RASAL2: variants seen among roughly 807,000 people sequenced by gnomAD.
RASAL2 encodes RAS protein activator like 2.
RASAL2 carries 58 observed loss-of-function variants against 128.9 expected under a neutral mutation model. The ratio of observed to expected loss-of-function variants is 0.45; its 90% CI spans 0.36 to 0.56. The LOEUF is 0.56. RASAL2 is among the 20% of genes least tolerant of loss of function. RASAL2 has a pLI of 0.00. For synonymous variants in RASAL2, 561 were observed against 580.8 expected (o/e 0.97, Z 0.49); for missense variants, 1,360 against 1,601.6 (o/e 0.85, Z 2.57).
At chr1:178,248,124 T>C (rs112567250) in intron 1 of RASAL2, among the ~76,000 whole-genome samples, 12 of 152,312 alleles carry the variant, frequency 7.9e-5, no homozygotes, top group African/African-American at 2.9e-4. Flanking sequence ...TGAATATCCT[T>C]GTTAATTTTC....
chr1:178,391,147 C>T (rs1421985623), intron 4 of RASAL2, among the ~76,000 whole-genome samples: 3 of 152,128 alleles, frequency 2.0e-5, no homozygotes, highest in Non-Finnish European at 2.9e-5. Context: ...TAGTGGTTCA[C>T]ACCTGTAATC....
intron 15 of RASAL2, 46 bp downstream of exon 15, chr1:178,464,458 G>A: frequency 6.3e-7 from 1 of 1,599,632 alleles, no homozygotes; most frequent in African/African-American, 1.3e-5. Flanking sequence ...CAAAATGACA[G>A]GCCACTAAAA....
intron 4 of RASAL2, among the ~76,000 whole-genome samples, chr1:178,397,014 T>C (rs547763489): frequency 6.6e-6 from 1 of 152,094 alleles, no homozygotes; most frequent in Non-Finnish European, 1.5e-5. Flanking sequence ...CAATAATAAG[T>C]ATTGGTGAGA....
intron 3 of RASAL2, among the ~76,000 whole-genome samples, chr1:178,361,147 G>A (rs935825663): frequency 1.3e-5 from 2 of 152,110 alleles, no homozygotes; most frequent in Non-Finnish European, 2.9e-5. Flanking sequence ...AAATAGTTCT[G>A]CCATTTAAAC....
chr1:178,105,573 A>G (rs1659056980), intron 1 of RASAL2, among the ~76,000 whole-genome samples: 1 of 152,216 alleles, frequency 6.6e-6, no homozygotes. Flanking sequence ...ATAAGTACTA[A>G]ATAATGAAGA....
chr1:178,196,665 A>G (rs1662669380), intron 1 of RASAL2, among the ~76,000 whole-genome samples: 1 of 152,182 alleles, frequency 6.6e-6, no homozygotes, highest in Non-Finnish European at 1.5e-5. Context: ...CAAATACTAC[A>G]CCATCTTATA....
intron 3 of RASAL2, among the ~76,000 whole-genome samples, chr1:178,321,377 C>T (rs539007307): frequency 5.3e-5 from 8 of 152,274 alleles, no homozygotes; most frequent in East Asian, 3.9e-4. Context: ...TGAGCCACCG[C>T]GCCCCGCCTC....
In RASAL2 at chr1:178,292,907, A is replaced by G. The variant is rs537085562; in HGVS notation, c.331-7085A>G. On this transcript the variant is annotated intron_variant, in intron 2 of 17. Coordinates refer to ENST00000367649, the MANE Select transcript of RASAL2 (RefSeq NM_170692.4). Reference sequence around the variant, plus strand: ...AATGTTTAAGGCTGGATTCTGGTGTATAGGCAGCAAGGCATTTAAAATGAC... The same window carrying G: ...AATGTTTAAGGCTGGATTCTGGTGTGTAGGCAGCAAGGCATTTAAAATGAC... Among the ~76,000 whole-genome samples the G allele has an allele frequency of 7.2e-5, 11 of 152,336 alleles. No individual in the cohort carries two copies. In the South Asian group the frequency reaches 2.3e-3, roughly 32 times the overall value.
chr1:178,386,002 A>T (rs2102586012), intron 3 of RASAL2, among the ~76,000 whole-genome samples: 1 of 151,968 alleles, frequency 6.6e-6, no homozygotes, highest in South Asian at 2.1e-4. Context: ...TCACCTTCTA[A>T]CTTACTCCTT....
chr1:178,121,002 G>C (rs1207204841), intron 1 of RASAL2: 1 of 152,182 alleles, frequency 6.6e-6, no homozygotes. Flanking sequence ...CAGGGTATGG[G>C]GACCCCTGTT....
At chr1:178,449,692 T>C (rs141610312) in intron 9 of RASAL2, among the ~76,000 whole-genome samples, 56 of 152,198 alleles carry the variant, frequency 3.7e-4, no homozygotes, top group African/African-American at 1.2e-3. Flanking sequence ...GCTCAAACAT[T>C]GGTTATTGTT....
At chr1:178,110,459 G>A (rs1309889185) in intron 1 of RASAL2, among the ~76,000 whole-genome samples, 1 of 148,762 alleles carries the variant, frequency 6.7e-6, no homozygotes, top group Non-Finnish European at 1.5e-5. Flanking sequence ...TAAATTCTAT[G>A]TGAATAGTTT....
intron 4 of RASAL2, among the ~76,000 whole-genome samples, chr1:178,416,655 A>C (rs1674778309): frequency 6.6e-6 from 1 of 152,092 alleles, no homozygotes; most frequent in Non-Finnish European, 1.5e-5. Context: ...TCTACTGGCA[A>C]CATTTTTCCT....
At chr1:178,240,127 C>T (rs896195308) in intron 1 of RASAL2, among the ~76,000 whole-genome samples, 1 of 151,946 alleles carries the variant, frequency 6.6e-6, no homozygotes, top group South Asian at 2.1e-4. Context: ...TTTTCAAGCA[C>T]AGTGTTTTAT....
chr1:178,190,181 G>A (rs1343151823), intron 1 of RASAL2, among the ~76,000 whole-genome samples: 1 of 152,134 alleles, frequency 6.6e-6, no homozygotes, highest in Non-Finnish European at 1.5e-5. Context: ...CTTGAAGGAG[G>A]GATCGCAAAG....
intron 5 of RASAL2, among the ~76,000 whole-genome samples, chr1:178,423,192 C>G (rs1675272421): frequency 6.6e-6 from 1 of 151,942 alleles, no homozygotes; most frequent in South Asian, 2.1e-4. Context: ...AATAATGTAC[C>G]TCACTTCTCT....
At chr1:178,450,715 C>T (rs1047842288) in intron 9 of RASAL2, among the ~76,000 whole-genome samples, 1 of 152,082 alleles carries the variant, frequency 6.6e-6, no homozygotes, top group African/African-American at 2.4e-5. Context: ...CTATAAAAAA[C>T]CAAGAATACA....
At chr1:178,105,787 A>T (rs1335863068) in intron 1 of RASAL2, among the ~76,000 whole-genome samples, 1 of 150,392 alleles carries the variant, frequency 6.6e-6, no homozygotes, top group Non-Finnish European at 1.5e-5. Flanking sequence ...GGCTCAAGGG[A>T]TCCTCCCACC....
intron 1 of RASAL2, among the ~76,000 whole-genome samples, chr1:178,131,401 T>TG (rs1660112546): frequency 6.8e-6 from 1 of 147,998 alleles, no homozygotes; most frequent in Non-Finnish European, 1.5e-5. Context: ...TTTTTTTTTT[T>TG]GTGGAGACAG....
Sources: allele counts gnomAD v4.1 joint callset (sites outside exome capture counted in the v4.1 genomes callset), GRCh38; gene constraint gnomAD v4.1.1; transcripts MANE v1.5; gene names NCBI Gene and HGNC (gene_info 2026-07-23, HGNC 2026-07-21).